Variants in HGD observed in about 807,000 individuals in gnomAD.
HGD encodes the protein homogentisate 1,2-dioxygenase.
A neutral mutation model predicts 60.8 loss-of-function variants in HGD; 61 were observed. The ratio of observed to expected loss-of-function variants is 1.00; its 90% CI spans 0.82 to 1.24. The LOEUF (loss-of-function observed/expected upper bound fraction) is 1.24. Among genes scored for constraint, HGD ranks in the 50% most tolerant of loss-of-function variants. The pLI, the probability that HGD is intolerant of heterozygous loss-of-function variation, is 0.00. For synonymous variants in HGD, 212 were observed against 187.7 expected (o/e 1.13, Z -1.06); for missense variants, 542 against 547.1 (o/e 0.99, Z 0.09).
chr3:120,655,805 T>C (rs1225535465), intron 4 of HGD, among the ~76,000 whole-genome samples: 1 of 152,242 alleles, frequency 6.6e-6, no homozygotes, highest in South Asian at 2.1e-4. Context: ...GTTTTCTCTG[T>C]GATCTTCAGG....
Position 120,633,343 on chromosome 3 carries a change from G to A in HGD, c.1007-15C>T. Reference sequence around the variant, plus strand: ...CATGCAGTTCCCTGGGAAGGTTGAAGCAGTATTATTTTTATTATCCAAGGC... The same window carrying A: ...CATGCAGTTCCCTGGGAAGGTTGAAACAGTATTATTTTTATTATCCAAGGC... On this transcript the variant is annotated splice_polypyrimidine_tract_variant and intron_variant, in intron 12 of 13. Transcript: ENST00000283871. 1 of 1,614,158 alleles carries A rather than the reference G, an allele frequency of 6.2e-7. No individual in the cohort carries two copies.
intron 4 of HGD, 49 bp from the exon 5 acceptor site, chr3:120,652,700 A>T (rs779308408): frequency 7.9e-7 from 1 of 1,273,234 alleles, no homozygotes; most frequent in African/African-American, 1.5e-5. Context: ...AGGGTAAACC[A>T]TAGACCTTCT....
intron 13 of HGD, among the ~76,000 whole-genome samples, chr3:120,629,212 C>T (rs1227173250): frequency 1.3e-5 from 2 of 152,168 alleles, no homozygotes; most frequent in Admixed American, 1.3e-4. Context: ...ATACTCTGTG[C>T]ATCTTAGACA....
intron 5 of HGD, 54 bp downstream of exon 5, chr3:120,652,538 C>T (rs1941374247): frequency 2.9e-6 from 4 of 1,376,788 alleles, no homozygotes; most frequent in South Asian, 1.2e-5. Flanking sequence ...GGTTGGCTCA[C>T]TCACCACAGA....
At chr3:120,643,134 T>C (rs1941041864) in intron 10 of HGD, among the ~76,000 whole-genome samples, 1 of 152,038 alleles carries the variant, frequency 6.6e-6, no homozygotes. Flanking sequence ...AGGATCTGCA[T>C]TTTTTTTGAG....
Position 120,650,851 on chromosome 3 carries a change from C to A in HGD, c.357G>T (p.Leu119Phe). 6.2e-7 allele frequency: 1 copy of A among 1,613,896 alleles called. No homozygotes were observed. Among genetic ancestry groups the A allele is most frequent in the Admixed American group, 1.7e-5 (1 of 60,032 alleles). ...TAGACTTTATGTCTCCAGCTCCACA[C>A]AAGGTATGCAGGCCCTGGGAGAGAC... ...KVDFVSGLHT[L>F]CGAGDIKSNN... The change falls in exon 6 of 14, where the codon TTG becomes TTT. Residue 119 changes from leucine to phenylalanine, a missense_variant. Physicochemically the swap from Leu to Phe is conservative, Grantham distance 22. Transcript: ENST00000283871.
In HGD at chr3:120,652,600, A is replaced by G; in HGVS notation, c.334T>C (p.Phe112Leu). The G allele has an allele frequency of 6.2e-7, 1 of 1,612,568 alleles. No individual in the cohort carries two copies. Among genetic ancestry groups the G allele is most frequent in the Non-Finnish European group, 8.5e-7 (1 of 1,178,652 alleles). The change falls in exon 5 of 14, where the codon TTT becomes CTT. Residue 112 changes from phenylalanine (F) to leucine (L), a missense_variant. Physicochemically the swap from Phe to Leu is conservative, Grantham distance 22. Transcript: ENST00000283871. ...IPKASQKKVD[F>L]VSGLHTLCGA... The stretch of plus-strand genomic sequence containing the variant: ...GGATGGGACTGACTTACACTCACAA[A>G]GTCTACTTTCTTCTGAGATGCTTTT...
At chr3:120,648,584 A>G (rs879904549) in intron 6 of HGD, among the ~76,000 whole-genome samples, 2 of 152,262 alleles carry the variant, frequency 1.3e-5, no homozygotes, top group Admixed American at 1.3e-4. Context: ...TTGCAAAGCC[A>G]GTATATAAGC....
chr3:120,645,174 G>T (rs1379952902), intron 9 of HGD, among the ~76,000 whole-genome samples: 1 of 152,190 alleles, frequency 6.6e-6, no homozygotes, highest in Non-Finnish European at 1.5e-5. Flanking sequence ...ATATTTTCCA[G>T]AGGGTACATG....
intron 13 of HGD, 112 bp from the exon 14 acceptor site, chr3:120,628,641 A>T: frequency 9.5e-6 from 12 of 1,261,286 alleles, no homozygotes; most frequent in Non-Finnish European, 1.3e-5. Flanking sequence ...ATAACAAATC[A>T]AAGATTTGTG....
intron 4 of HGD, among the ~76,000 whole-genome samples, chr3:120,654,810 C>T (rs371779792): frequency 5.9e-5 from 9 of 152,228 alleles, no homozygotes; most frequent in African/African-American, 1.9e-4. Flanking sequence ...CGGTGGCTCA[C>T]GCCTGTAATT....
At chr3:120,644,555 T>A (rs770192944) in intron 9 of HGD, 112 bp from the exon 10 acceptor site, 2 of 1,572,764 alleles carry the variant, frequency 1.3e-6, no homozygotes, top group Non-Finnish European at 1.7e-6. Flanking sequence ...CTCCACAAAT[T>A]GCTTTCATTG....
rs1273561257 is a variant in HGD at position 120,641,583 on chromosome 3, A to G, written c.879+6T>C. The G allele has an allele frequency of 6.3e-7, 1 of 1,598,900 alleles. No homozygotes were observed. Among genetic ancestry groups the G allele is most frequent in the Non-Finnish European group, 8.6e-7 (1 of 1,166,236 alleles). On this transcript the variant is annotated splice_donor_region_variant and intron_variant, in intron 11 of 13. Transcript: ENST00000283871. ...ATCCCAAGGCCCCTACAGGGTTCAG[A>G]CTTACTGCATGGTCAAAGGCCACTG...
chr3:120,659,706 T>C (rs891875610), intron 4 of HGD, among the ~76,000 whole-genome samples: 16 of 152,224 alleles, frequency 1.1e-4, no homozygotes, highest in African/African-American at 3.1e-4. Context: ...TTTATAGCAA[T>C]GTCCCACTCC....
At chr3:120,629,047 G>C (rs576522480) in intron 13 of HGD, among the ~76,000 whole-genome samples, 1 of 152,296 alleles carries the variant, frequency 6.6e-6, no homozygotes, top group Non-Finnish European at 1.5e-5. Flanking sequence ...CAAGAGATGG[G>C]CTGGGAAAAG....
At chr3:120,651,296 T>C (rs772646090) in intron 5 of HGD, among the ~76,000 whole-genome samples, 6 of 152,228 alleles carry the variant, frequency 3.9e-5, no homozygotes, top group Non-Finnish European at 8.8e-5. Context: ...CCTCTGCTTA[T>C]GGATAGGGTC....
chr3:120,637,118 T>C (rs1313194852), intron 12 of HGD, among the ~76,000 whole-genome samples: 1 of 152,194 alleles, frequency 6.6e-6, no homozygotes, highest in African/African-American at 2.4e-5. Flanking sequence ...TGTTGATGCA[T>C]TCACTTATTA....
chr3:120,673,700 C>A (rs1490431384), intron 3 of HGD, among the ~76,000 whole-genome samples: 1 of 152,098 alleles, frequency 6.6e-6, no homozygotes, highest in Non-Finnish European at 1.5e-5. Flanking sequence ...CCTAGAGATA[C>A]CCTGGAAATG....
rs1261054806 is a variant in HGD at position 120,650,961 on chromosome 3, A to G, written c.343-96T>C. ...CCTGAGGGTCATGAGGCACATTTCT[A>G]CTAGGGTCTTCCCTTTGGGACCGGT... On this transcript the variant is annotated intron_variant, in intron 5 of 13. Coordinates refer to ENST00000283871, the MANE Select transcript of HGD (RefSeq NM_000187.4). 12 of 934,614 alleles carry G rather than the reference A, an allele frequency of 1.3e-5. 1 individual carries two copies. Among genetic ancestry groups the G allele is most frequent in the African/African-American group, 4.8e-5 (3 of 61,954 alleles). The allele number at this position is 934,614 out of a possible 1,614,324, so 57.9% of individuals were successfully genotyped here. A position where few individuals can be genotyped will look rare whatever the true frequency, so the allele number is the denominator to read the frequency against.
Sources: gnomAD v4.1 joint callset for allele counts (sites outside exome capture counted in the v4.1 genomes callset) on GRCh38, gnomAD v4.1.1 for gene constraint, MANE v1.5 for transcripts, NCBI Gene and HGNC (gene_info 2026-07-23, HGNC 2026-07-21) for gene names.